NEBL: variants seen among roughly 807,000 people sequenced by gnomAD.
NEBL encodes nebulette, also known as LIM and SH3 protein 2.
NEBL carries 122 observed loss-of-function variants against 140.2 expected under a neutral mutation model. The observed-to-expected ratio is 0.87, with a 90% CI of 0.75 to 1.01. The LOEUF is 1.01. Ranked by LOEUF, NEBL falls within the 50% of genes least tolerant of loss-of-function variation. The probability of loss-of-function intolerance (pLI) is 0.00; values close to 1 mark genes in which losing one functional copy is unlikely to be tolerated. For missense variants in NEBL, 1,365 were observed against 1,231.3 expected (o/e 1.11, Z -1.62); for synonymous variants, 436 against 398.9 (o/e 1.09, Z -1.11).
chr10:21,175,797 A>T (rs1841286106), upstream of NEBL, among the ~76,000 whole-genome samples: 1 of 152,242 alleles, frequency 6.6e-6, no homozygotes, highest in South Asian at 2.1e-4. Flanking sequence ...AGGGGAAAAA[A>T]AGTATGTGAT....
chr10:20,821,051 C>A (rs548083058), intron 19 of NEBL, among the ~76,000 whole-genome samples: 1 of 152,130 alleles, frequency 6.6e-6, no homozygotes, highest in African/African-American at 2.4e-5. Flanking sequence ...GGTGATTGAG[C>A]TAAAGGGAGG....
intron 2 of NEBL, among the ~76,000 whole-genome samples, chr10:21,169,061 AAAAAAAATATATAT>A (rs1345690022): frequency 0.016 from 681 of 41,732 alleles, 24 homozygotes; most frequent in African/African-American, 0.048. Flanking sequence ...AAAAAAAAAA[AAAAAAAATATATAT>A]ATATATATAT....
At chr10:20,917,507 T>A (rs892868638) in intron 4 of NEBL, among the ~76,000 whole-genome samples, 2 of 152,210 alleles carry the variant, frequency 1.3e-5, no homozygotes, top group African/African-American at 4.8e-5. Context: ...TCTCAATGTA[T>A]GCAAAAAGTC....
intron 3 of NEBL, among the ~76,000 whole-genome samples, chr10:21,211,369 T>A (rs1841912476): frequency 6.6e-6 from 1 of 152,036 alleles, no homozygotes; most frequent in Non-Finnish European, 1.5e-5. Context: ...TAGTCCCAGC[T>A]ACTAGGGAGG....
intron 4 of NEBL, among the ~76,000 whole-genome samples, chr10:20,958,021 T>C: frequency 6.6e-6 from 1 of 152,208 alleles, no homozygotes; most frequent in Non-Finnish European, 1.5e-5. Flanking sequence ...CCCTTGAATG[T>C]CTGGCGATGG....
chr10:21,266,642 G>C (rs575366674), intron 1 of NEBL, among the ~76,000 whole-genome samples: 114 of 152,344 alleles, frequency 7.5e-4, no homozygotes, highest in Non-Finnish European at 1.4e-3. Flanking sequence ...TCCACACGGT[G>C]CTCCCTGGGG....
chr10:20,807,154 C>T (rs925946370), intron 26 of NEBL, among the ~76,000 whole-genome samples: 3 of 152,012 alleles, frequency 2.0e-5, no homozygotes, highest in East Asian at 1.9e-4. Flanking sequence ...GCGAGACCCC[C>T]GTCTCTATAA....
chr10:21,116,555 C>G (rs934636529), intron 2 of NEBL, among the ~76,000 whole-genome samples: 3 of 152,152 alleles, frequency 2.0e-5, no homozygotes, highest in African/African-American at 7.2e-5. Context: ...CAGTCCATAG[C>G]AGTCCTTGTC....
At chr10:20,838,794 G>A (rs749910395) in intron 13 of NEBL, among the ~76,000 whole-genome samples, 2 of 152,038 alleles carry the variant, frequency 1.3e-5, no homozygotes, top group Non-Finnish European at 1.5e-5. Context: ...AAGACCCTCC[G>A]CCAGTGAAAA....
intron 3 of NEBL, among the ~76,000 whole-genome samples, chr10:21,211,794 C>G (rs1425476750): frequency 2.6e-5 from 4 of 152,174 alleles, no homozygotes; most frequent in African/African-American, 9.7e-5. Context: ...GATCCTCAAA[C>G]CAGCAGTGAT....
intron 4 of NEBL, among the ~76,000 whole-genome samples, chr10:20,882,228 A>G (rs1846077674): frequency 6.6e-6 from 1 of 151,586 alleles, no homozygotes; most frequent in Non-Finnish European, 1.5e-5. Flanking sequence ...AGGAAAGAAA[A>G]AAGGAAGGAA....
At chr10:20,920,824 T>C (rs1377025132) in intron 4 of NEBL, among the ~76,000 whole-genome samples, 1 of 152,154 alleles carries the variant, frequency 6.6e-6, no homozygotes, top group Non-Finnish European at 1.5e-5. Context: ...AAATGGTACA[T>C]AGCTGAAATA....
intron 7 of NEBL, among the ~76,000 whole-genome samples, chr10:20,860,935 G>C (rs1452922491): frequency 6.6e-6 from 1 of 152,076 alleles, no homozygotes; most frequent in Non-Finnish European, 1.5e-5. Context: ...AATATTTTGA[G>C]ATGGTTTACA....
chr10:21,223,422 T>A (rs775422462), intron 3 of NEBL, among the ~76,000 whole-genome samples: 1 of 152,260 alleles, frequency 6.6e-6, no homozygotes, highest in Non-Finnish European at 1.5e-5. Context: ...TGTATATATG[T>A]ACCACATTTT....
intron 2 of NEBL, among the ~76,000 whole-genome samples, chr10:21,115,952 T>G (rs1240240921): frequency 2.6e-5 from 4 of 152,114 alleles, no homozygotes; most frequent in Non-Finnish European, 4.4e-5. Flanking sequence ...TAGTCTTCTT[T>G]TTTCATGTTT....
intron 3 of NEBL, among the ~76,000 whole-genome samples, chr10:20,996,183 T>G (rs937763053): frequency 7.9e-5 from 12 of 152,182 alleles, no homozygotes; most frequent in Non-Finnish European, 1.5e-4. Flanking sequence ...TCGGTTAATG[T>G]GCCACTACGA....
chr10:20,811,203 A>T (rs1205277293), intron 24 of NEBL, among the ~76,000 whole-genome samples: 2 of 152,236 alleles, frequency 1.3e-5, no homozygotes, highest in African/African-American at 4.8e-5. Context: ...TTAGAGTCAT[A>T]CATCTTATAT....
At chr10:21,221,382 C>A (rs1257000925) in intron 3 of NEBL, among the ~76,000 whole-genome samples, 1 of 148,404 alleles carries the variant, frequency 6.7e-6, no homozygotes, top group African/African-American at 2.4e-5. Context: ...GAGAGCTAAG[C>A]CCCTGCAGTC....
At chr10:20,885,090 A>G (rs1846380993) in intron 4 of NEBL, among the ~76,000 whole-genome samples, 2 of 152,232 alleles carry the variant, frequency 1.3e-5, no homozygotes, top group Admixed American at 6.5e-5. Context: ...ATAATTTGTC[A>G]AAAGTTAAAG....
Sources: gnomAD v4.1 joint callset for allele counts (sites outside exome capture counted in the v4.1 genomes callset) on GRCh38, gnomAD v4.1.1 for gene constraint, MANE v1.5 for transcripts, NCBI Gene and HGNC (gene_info 2026-07-23, HGNC 2026-07-21) for gene names.